CYFIP1: variants seen among roughly 807,000 people sequenced by gnomAD.
The protein encoded by CYFIP1 is cytoplasmic FMR1-interacting protein 1.
CYFIP1 carries 58 observed loss-of-function variants against 163.5 expected under a neutral mutation model. The ratio of observed to expected loss-of-function variants is 0.35; its 90% CI spans 0.29 to 0.44. The LOEUF (loss-of-function observed/expected upper bound fraction) is 0.44, where lower values mean the gene tolerates loss of function less well. Ranked by LOEUF, CYFIP1 falls within the 20% of genes least tolerant of loss-of-function variation. The probability of loss-of-function intolerance (pLI) is 1.00; values close to 1 mark genes in which losing one functional copy is unlikely to be tolerated. For synonymous variants in CYFIP1, 663 were observed against 660.7 expected, an observed-to-expected ratio of 1.00 and a Z score of -0.05; for missense variants, 1,338 against 1,653.8, an observed-to-expected ratio of 0.81 and a Z score of 3.31.
chr15:22,932,493 G>A (rs1029874292), intron 10 of CYFIP1, among the ~76,000 whole-genome samples, 153 bp from the exon 11 acceptor site: 7 of 152,224 alleles, frequency 4.6e-5, no homozygotes, highest in Non-Finnish European at 8.8e-5. Flanking sequence ...AAGCATATCC[G>A]AAGGAGACCA....
chr15:22,918,463 C>T (rs1221337242), intron 14 of CYFIP1, among the ~76,000 whole-genome samples: 2 of 152,160 alleles, frequency 1.3e-5, no homozygotes, highest in African/African-American at 4.8e-5. Context: ...CACCTTGTCC[C>T]GGGGTCCTCA....
In CYFIP1 at chr15:22,910,848, T is replaced by C. The variant is rs764743992; in HGVS notation, c.2083-35A>G. 5.8e-6 allele frequency: 9 copies of C among 1,553,584 alleles called. No homozygotes were observed. In the South Asian group the frequency reaches 1.0e-4, roughly 18 times the overall value. ...AAGAAAGCACACGTTACAGTTTGAT[T>C]CCCTAAAGCAAGATCAAATAACAAG... On this transcript the variant is annotated intron_variant, in intron 18 of 30. Transcript: ENST00000617928.
At chr15:22,904,293 C>T (rs2060498743) in intron 21 of CYFIP1, 2 of 285,284 alleles carry the variant, frequency 7.0e-6, no homozygotes, top group African/African-American at 2.2e-5. Context: ...CCAGCTTTCT[C>T]TGAGGTGCCT....
intron 13 of CYFIP1, among the ~76,000 whole-genome samples, chr15:22,922,853 G>A (rs1282998823): frequency 1.2e-4 from 18 of 152,076 alleles, no homozygotes; most frequent in African/African-American, 3.1e-4. Flanking sequence ...TTAGCTGGGT[G>A]TGGTGGCGCA....
At position 22,917,704 on chromosome 15, in the gene CYFIP1, C is replaced by T. The variant is rs549391042; in HGVS notation, c.1674+84G>A. The T allele has an allele frequency of 1.3e-5, 19 of 1,453,686 alleles. No individual in the cohort carries two copies. The highest frequency in any genetic ancestry group is 1.3e-4 in the East Asian group (5 of 39,870). The allele number at this position is 1,453,686 out of a possible 1,614,324, so 90.0% of individuals were successfully genotyped here. A position where few individuals can be genotyped will look rare whatever the true frequency, so the allele number is the denominator to read the frequency against. On this transcript the variant is annotated intron_variant, in intron 15 of 30. Transcript: ENST00000617928. The surrounding 1 kb of genome is among the most constrained non-coding windows in gnomAD (Gnocchi z 4.2). Reference sequence around the variant, plus strand: ...CAGGCAGCGAGGACCTCATTTAACCCGGGCCTCACCAGCCCCACCCGCTCA... The same window carrying T: ...CAGGCAGCGAGGACCTCATTTAACCTGGGCCTCACCAGCCCCACCCGCTCA...
intron 1 of CYFIP1, among the ~76,000 whole-genome samples, chr15:22,979,262 A>T (rs1237059448): frequency 2.6e-5 from 4 of 152,146 alleles, no homozygotes; most frequent in Admixed American, 2.6e-4. Flanking sequence ...CCGCAGGGAA[A>T]AGGCAGCATG....
chr15:22,951,165 G>C (rs939133341), intron 1 of CYFIP1, among the ~76,000 whole-genome samples: 1 of 152,108 alleles, frequency 6.6e-6, no homozygotes, highest in Non-Finnish European at 1.5e-5. Flanking sequence ...CATTTTCTCA[G>C]GAACTGACTG....
At chr15:22,976,218 C>T (rs553041931) in intron 1 of CYFIP1, among the ~76,000 whole-genome samples, 11 of 151,578 alleles carry the variant, frequency 7.3e-5, no homozygotes, top group Non-Finnish European at 1.3e-4. Context: ...ACTGCAGTGG[C>T]GCGATCTCGG....
intron 13 of CYFIP1, among the ~76,000 whole-genome samples, chr15:22,923,835 TGGGAGGCTG>T (rs2061267516): frequency 6.9e-6 from 1 of 144,654 alleles, no homozygotes; most frequent in African/African-American, 2.6e-5. Context: ...CCTAGCTACT[TGGGAGGCTG>T]GGGAGGGAGG....
chr15:22,892,554 C>A (rs139689109), intron 23 of CYFIP1, among the ~76,000 whole-genome samples: 171 of 152,272 alleles, frequency 1.1e-3, no homozygotes, highest in African/African-American at 4.0e-3. Context: ...GTCTTCTCAG[C>A]TTGATGTTTT....
At chr15:22,945,667 G>A (rs1012927976) in intron 3 of CYFIP1, among the ~76,000 whole-genome samples, 2 of 151,438 alleles carry the variant, frequency 1.3e-5, no homozygotes, top group African/African-American at 2.4e-5. Context: ...TCTGCCTCCC[G>A]GGTTCAAGCA....
Position 22,872,932 on chromosome 15 carries a change from T to C in CYFIP1, c.3490A>G (p.Ile1164Val). ...CGCTGCTGCCCAAGAAGTACGATGA[T>C]CATACAGCCAGCCCAGTGTAGCCCA... is the stretch of plus-strand genomic sequence containing the variant. Reference protein sequence around the residue: ...GDGLHWAGCMIIVLLGQQRRF... With the variant: ...GDGLHWAGCMVIVLLGQQRRF... Residue 1164 changes from isoleucine (I) to valine (V), a missense_variant, in exon 30 of 31, where the codon ATC becomes GTC. Around this residue, in one of 4 missense-constraint regions of CYFIP1, gnomAD observed 306 missense variants for 322.1 expected, o/e 0.95. Transcript: ENST00000617928. The C allele has an allele frequency of 1.2e-6, 2 of 1,614,040 alleles. No individual in the cohort carries two copies. Among genetic ancestry groups the C allele is most frequent in the Non-Finnish European group, 8.5e-7 (1 of 1,179,982 alleles).
At chr15:22,873,756 C>T (rs987798094) in intron 28 of CYFIP1, 27 bp from the exon 29 acceptor site, 1 of 1,583,836 alleles carries the variant, frequency 6.3e-7, no homozygotes. Context: ...CCGTGGAATG[C>T]CGTGGGCCTC....
chr15:22,951,992 G>A (rs943094938), intron 1 of CYFIP1, among the ~76,000 whole-genome samples: 1 of 152,216 alleles, frequency 6.6e-6, no homozygotes, highest in African/African-American at 2.4e-5. Flanking sequence ...CCAAGCCAGT[G>A]CTTGCAGACT....
In CYFIP1 at chr15:22,867,083, T is replaced by C. The variant is rs1260583441; in HGVS notation, c.*2945A>G. ...TTAACATTTTATTGTTGTAGAAGTA[T>C]TTTACATTTTCATCCCTTCTCCAAA... On this transcript the variant is annotated 3_prime_UTR_variant, in exon 31 of 31. Coordinates refer to ENST00000617928, the MANE Select transcript of CYFIP1 (RefSeq NM_014608.6). The C allele has an allele frequency of 6.0e-6, 3 of 498,358 alleles. 1 individual carries two copies. Among genetic ancestry groups the C allele is most frequent in the Non-Finnish European group, 1.0e-5 (3 of 286,632 alleles). The allele number at this position is 498,358 out of a possible 1,614,324, so 30.9% of individuals were successfully genotyped here. A position where few individuals can be genotyped will look rare whatever the true frequency, so the allele number is the denominator to read the frequency against.
Position 22,867,398 on chromosome 15 carries a change from A to AG in CYFIP1, c.*2629dup. The AG allele has an allele frequency of 2.6e-6, 1 of 385,586 alleles. No homozygotes were observed. The highest frequency in any genetic ancestry group is 3.7e-5 in the East Asian group (1 of 27,166). The allele number at this position is 385,586 out of a possible 1,614,324, so 23.9% of individuals were successfully genotyped here. On this transcript the variant is annotated 3_prime_UTR_variant, in exon 31 of 31. Transcript: ENST00000617928. The stretch of plus-strand genomic sequence containing the variant: ...ACCTCTTTCTTACAAAACAAAAAAA[A>AG]GGGCAGAAATCACCCCAAGGAACGA...
chr15:22,932,925 A>C (rs1478294451), intron 10 of CYFIP1, among the ~76,000 whole-genome samples: 1 of 151,884 alleles, frequency 6.6e-6, no homozygotes, highest in African/African-American at 2.4e-5. Flanking sequence ...CACCTCCTAG[A>C]CTACTCAAGT....
At chr15:22,923,904 C>T (rs2061270631) in intron 13 of CYFIP1, among the ~76,000 whole-genome samples, 1 of 131,100 alleles carries the variant, frequency 7.6e-6, no homozygotes, top group African/African-American at 3.0e-5. Context: ...AATCCTGCCA[C>T]TGCACTCCAG....
At position 22,881,833 on chromosome 15, in the gene CYFIP1, C is replaced by A. The variant is rs201156437; in HGVS notation, c.2911+13G>T. ...CACAGACAGCACTGTGAGCTCCACA[C>A]GCCCGCACTCACCAGGAGAGCCGTA... On this transcript the variant is annotated intron_variant, in intron 25 of 30. Coordinates refer to ENST00000617928, the MANE Select transcript of CYFIP1 (RefSeq NM_014608.6). 6 of 1,607,406 alleles carry A rather than the reference C, an allele frequency of 3.7e-6. No individual in the cohort carries two copies. The highest frequency in any genetic ancestry group is 5.1e-6 in the Non-Finnish European group (6 of 1,178,972).
Sources: gnomAD v4.1 joint callset for allele counts (sites outside exome capture counted in the v4.1 genomes callset) on GRCh38, gnomAD v4.1.1 for gene constraint, gnomAD v4.1.1 regional missense constraint, Gnocchi (gnomAD v3.1) non-coding constraint, MANE v1.5 for transcripts, NCBI Gene and HGNC (gene_info 2026-07-23, HGNC 2026-07-21) for gene names.